Variants in NCAM2 observed in about 807,000 individuals in gnomAD.
The protein encoded by NCAM2 is neural cell adhesion molecule 2.
A neutral mutation model predicts 98.1 loss-of-function variants in NCAM2; 30 were observed. The observed-to-expected ratio is 0.31, with a 90% CI of 0.23 to 0.41. The LOEUF is 0.41. Ranked by LOEUF, NCAM2 falls within the 10% of genes least tolerant of loss-of-function variation. NCAM2 has a pLI of 1.00. For missense variants in NCAM2, 867 were observed against 1,005.8 expected (o/e 0.86, Z 1.87); for synonymous variants, 368 against 342.4 (o/e 1.07, Z -0.83).
intron 1 of NCAM2, among the ~76,000 whole-genome samples, chr21:21,121,303 T>C (rs1418355900): frequency 6.6e-6 from 1 of 152,208 alleles, no homozygotes; most frequent in East Asian, 1.9e-4. Flanking sequence ...AACTCTTCCT[T>C]AAGAATTGCT....
At chr21:21,198,269 G>A (rs1205637554) in intron 1 of NCAM2, among the ~76,000 whole-genome samples, 1 of 148,556 alleles carries the variant, frequency 6.7e-6, no homozygotes, top group East Asian at 2.0e-4. Flanking sequence ...TTTTAATATA[G>A]TTAACTGGAT....
intron 8 of NCAM2, among the ~76,000 whole-genome samples, chr21:21,360,828 A>G (rs1309199549): frequency 6.6e-6 from 1 of 152,012 alleles, no homozygotes; most frequent in Non-Finnish European, 1.5e-5. Flanking sequence ...ATTTAAAATT[A>G]TGTTCCAGAA....
intron 5 of NCAM2, among the ~76,000 whole-genome samples, chr21:21,310,523 A>C (rs1175597341): frequency 6.6e-6 from 1 of 152,220 alleles, no homozygotes; most frequent in Non-Finnish European, 1.5e-5. Flanking sequence ...AATAGGCAGA[A>C]TTAAAAATGT....
chr21:21,211,720 G>A (rs1263410940), intron 1 of NCAM2, among the ~76,000 whole-genome samples: 1 of 152,262 alleles, frequency 6.6e-6, no homozygotes, highest in East Asian at 1.9e-4. Context: ...TGTGGTCACT[G>A]CTTCTTTCCA....
intron 1 of NCAM2, among the ~76,000 whole-genome samples, chr21:21,123,710 A>G (rs553414127): frequency 6.6e-6 from 1 of 152,262 alleles, no homozygotes; most frequent in African/African-American, 2.4e-5. Flanking sequence ...GAGGTAATAT[A>G]AATTAGGTAT....
At chr21:21,362,786 T>C (rs2148000793) in intron 8 of NCAM2, among the ~76,000 whole-genome samples, 1 of 152,330 alleles carries the variant, frequency 6.6e-6, no homozygotes, top group Admixed American at 6.5e-5. Context: ...GAAATCTATA[T>C]GATAGACTAT....
At chr21:21,089,578 C>CT (rs2065971281) in intron 1 of NCAM2, among the ~76,000 whole-genome samples, 1 of 152,138 alleles carries the variant, frequency 6.6e-6, no homozygotes, top group Non-Finnish European at 1.5e-5. Context: ...GCCAGAATGA[C>CT]TTTATCTGGG....
intron 15 of NCAM2, among the ~76,000 whole-genome samples, chr21:21,480,423 G>A (rs938681677): frequency 6.6e-6 from 1 of 150,820 alleles, no homozygotes; most frequent in Admixed American, 6.6e-5. Context: ...TTCTTAGAAG[G>A]TGAGTTTCCA....
intron 1 of NCAM2, among the ~76,000 whole-genome samples, chr21:21,027,256 A>G (rs1292610294): frequency 6.6e-6 from 1 of 152,166 alleles, no homozygotes; most frequent in African/African-American, 2.4e-5. Flanking sequence ...ATTTATTTAT[A>G]TTTTCCATTG....
chr21:21,046,127 A>G (rs1357149955), intron 1 of NCAM2, among the ~76,000 whole-genome samples: 1 of 152,182 alleles, frequency 6.6e-6, no homozygotes, highest in East Asian at 1.9e-4. Context: ...AAGCACTCCG[A>G]AAAACTCTGA....
At chr21:21,045,752 G>A (rs953143945) in intron 1 of NCAM2, among the ~76,000 whole-genome samples, 1 of 152,152 alleles carries the variant, frequency 6.6e-6, no homozygotes. Context: ...ATTTAAATGG[G>A]AAATAATTAT....
At chr21:21,319,081 C>G (rs983612968) in intron 5 of NCAM2, among the ~76,000 whole-genome samples, 1 of 151,840 alleles carries the variant, frequency 6.6e-6, no homozygotes, top group Non-Finnish European at 1.5e-5. Flanking sequence ...CACACCACTG[C>G]ATGTCAGCTT....
chr21:21,534,560 T>C lies in NCAM2; in HGVS notation c.2306T>C (p.Ile769Thr). 6.3e-7 allele frequency: 1 copy of C among 1,599,856 alleles called. No homozygotes were observed. The highest frequency in any genetic ancestry group is 8.5e-7 in the Non-Finnish European group (1 of 1,170,814). The change falls in exon 17 of 18, where the codon ATA (isoleucine) becomes ACA (threonine). Residue 769 changes from isoleucine to threonine, a missense_variant. Coordinates refer to ENST00000400546, the MANE Select transcript of NCAM2 (RefSeq NM_004540.5). ...AYLKDGSKEP[I>T]VEMRTEDERV... is the part of the protein sequence containing the mutation. ...AGGAAAGATGGATCAAAAGAACCAA[T>C]AGTGGAGATGAGAACAGAGGATGAA...
rs188881863 is a variant in NCAM2 at position 21,290,614 on chromosome 21, A to T, written c.482-1490A>T. On this transcript the variant is annotated intron_variant, in intron 4 of 17. Transcript: ENST00000400546. ...AGCATTATGGAAAAGTTTACACCTC[A>T]TGGGCTGCAAATCATGTGGCCGTAG... Among the ~76,000 whole-genome samples, 35 of 151,994 alleles carry T rather than the reference A, an allele frequency of 2.3e-4. No homozygotes were observed. The East Asian group carries it at 5.1e-3, about 22-fold the overall frequency.
At chr21:21,494,558 A>G (rs993935770) in intron 15 of NCAM2, among the ~76,000 whole-genome samples, 2 of 151,986 alleles carry the variant, frequency 1.3e-5, no homozygotes, top group Admixed American at 6.6e-5. Context: ...ATCAAAGTCA[A>G]CCAGAAATAT....
At chr21:21,382,502 T>TC (rs2076175517) in intron 9 of NCAM2, among the ~76,000 whole-genome samples, 1 of 149,300 alleles carries the variant, frequency 6.7e-6, no homozygotes, top group Non-Finnish European at 1.5e-5. Flanking sequence ...TGAAAGTTTT[T>TC]GTTTTATTTC....
chr21:21,121,245 C>T (rs1042959502), intron 1 of NCAM2, among the ~76,000 whole-genome samples: 8 of 152,216 alleles, frequency 5.3e-5, no homozygotes, highest in Admixed American at 5.2e-4. Flanking sequence ...TAGTGAATAA[C>T]ACAGATCATT....
In NCAM2 at chr21:21,510,867, T is replaced by G. The variant is rs113964992; in HGVS notation, c.2282+1812T>G. Reference sequence around the variant, plus strand: ...TATTCACAAGCTGAGCATGCCCATTTTTAACGCTCAAATCAAGAAAAAGAA... The same window carrying G: ...TATTCACAAGCTGAGCATGCCCATTGTTAACGCTCAAATCAAGAAAAAGAA... On this transcript the variant is annotated intron_variant, in intron 16 of 17. Transcript: ENST00000400546. Among the ~76,000 whole-genome samples, 1,197 of 152,156 alleles carry G rather than the reference T, an allele frequency of 7.9e-3. 16 individuals carry two copies. Among genetic ancestry groups the G allele is most frequent in the African/African-American group, 0.027 (1,142 of 41,550 alleles).
intron 16 of NCAM2, among the ~76,000 whole-genome samples, chr21:21,527,391 A>G (rs1374195727): frequency 6.6e-6 from 1 of 152,170 alleles, no homozygotes; most frequent in African/African-American, 2.4e-5. Flanking sequence ...ATGCTCTGCA[A>G]AAGACATTGT....
Sources: allele counts gnomAD v4.1 joint callset (sites outside exome capture counted in the v4.1 genomes callset), GRCh38; gene constraint gnomAD v4.1.1; transcripts MANE v1.5; gene names NCBI Gene and HGNC (gene_info 2026-07-23, HGNC 2026-07-21).